The following KIF26B variants were observed in gnomAD, a reference collection of about 807,000 sequenced individuals.
KIF26B encodes the protein kinesin-like protein KIF26B.
KIF26B carries 63 observed loss-of-function variants against 151.2 expected under a neutral mutation model. The ratio of observed to expected loss-of-function variants is 0.42; its 90% CI spans 0.34 to 0.51. The LOEUF is 0.51. KIF26B is among the 20% of genes least tolerant of loss of function. KIF26B has a pLI of 0.07. For synonymous variants in KIF26B, 1,357 were observed against 1,262.1 expected, an observed-to-expected ratio of 1.08 and a Z score of -1.59; for missense variants, 2,813 against 2,913.6, an observed-to-expected ratio of 0.97 and a Z score of 0.79.
chr1:245,198,937 C>T (rs1450922933), intron 2 of KIF26B, among the ~76,000 whole-genome samples: 8 of 870 alleles, frequency 9.2e-3, no homozygotes, highest in East Asian at 0.016. Context: ...GAAGCCCCTG[C>T]GGCAGCGTCG....
At chr1:245,695,635 G>A (rs1032459712) in intron 12 of KIF26B, among the ~76,000 whole-genome samples, 3 of 152,268 alleles carry the variant, frequency 2.0e-5, no homozygotes, top group Middle Eastern at 3.2e-3. Flanking sequence ...ATGTGGTGAG[G>A]AAGTTCAAGG....
rs1055134710 is a variant in KIF26B at position 245,239,564 on chromosome 1, C to T, written c.465+82881C>T. Among the ~76,000 whole-genome samples, 1 of 152,108 alleles carries T rather than the reference C, an allele frequency of 6.6e-6. No individual in the cohort carries two copies. The highest frequency in any genetic ancestry group is 2.4e-5 in the African/African-American group (1 of 41,416). On this transcript the variant is annotated intron_variant, in intron 2 of 14. Coordinates refer to ENST00000407071, the MANE Select transcript of KIF26B (RefSeq NM_018012.4). This position sits in a 1 kb window ranked among gnomAD's most constrained non-coding sequence, Gnocchi z 4.3. ...TGTCGCCCAGGCTGGAGTGCAGTGG[C>T]GTGATCTCAGCTCACTGCAACCTCT...
intron 14 of KIF26B, among the ~76,000 whole-genome samples, chr1:245,701,456 C>T (rs529012191): frequency 2.0e-5 from 3 of 152,126 alleles, no homozygotes; most frequent in Admixed American, 6.5e-5. Flanking sequence ...TCAGGGCCTT[C>T]GGTCTCCTTC....
intron 2 of KIF26B, among the ~76,000 whole-genome samples, chr1:245,240,102 G>A (rs1430430833): frequency 2.0e-5 from 3 of 152,112 alleles, no homozygotes; most frequent in East Asian, 1.9e-4. Flanking sequence ...CCCGGGAGGC[G>A]GAGGTTGCAG....
chr1:245,464,707 C>T (rs922967063), intron 4 of KIF26B, among the ~76,000 whole-genome samples: 13 of 151,744 alleles, frequency 8.6e-5, no homozygotes, highest in East Asian at 7.7e-4. Flanking sequence ...TGTGTGCAAG[C>T]GTCTGGCACA....
chr1:245,344,419 C>CG (rs1204457694), intron 2 of KIF26B, among the ~76,000 whole-genome samples: 1 of 144,162 alleles, frequency 6.9e-6, no homozygotes, highest in Non-Finnish European at 1.5e-5. Context: ...GGCGTGAACC[C>CG]GGAGGGCGGA....
At chr1:245,309,165 G>T (rs1416490695) in intron 2 of KIF26B, among the ~76,000 whole-genome samples, 1 of 152,148 alleles carries the variant, frequency 6.6e-6, no homozygotes, top group Non-Finnish European at 1.5e-5. Context: ...TGTGCATCAG[G>T]ATTGCCTGGA....
intron 5 of KIF26B, among the ~76,000 whole-genome samples, chr1:245,582,459 G>T (rs60212853): frequency 0.012 from 1,849 of 151,852 alleles, 36 homozygotes; most frequent in African/African-American, 0.042. Flanking sequence ...CATAGCCTGT[G>T]CTTTTTTTTT....
chr1:245,176,415 A>G (rs1668810357), intron 2 of KIF26B, among the ~76,000 whole-genome samples: 1 of 152,096 alleles, frequency 6.6e-6, no homozygotes, highest in Non-Finnish European at 1.5e-5. Flanking sequence ...ATGGAAGGAG[A>G]CCAGAGTTCA....
At chr1:245,624,514 A>G (rs994290649) in intron 9 of KIF26B, among the ~76,000 whole-genome samples, 2 of 152,216 alleles carry the variant, frequency 1.3e-5, no homozygotes, top group African/African-American at 4.8e-5. Flanking sequence ...CTAATGACCA[A>G]TGATGCCAAG....
intron 4 of KIF26B, among the ~76,000 whole-genome samples, chr1:245,526,032 CAT>C (rs1661230409): frequency 1.3e-5 from 2 of 152,132 alleles, no homozygotes; most frequent in Non-Finnish European, 2.9e-5. Context: ...CTACAAATAA[CAT>C]GTCCATTAAA....
intron 3 of KIF26B, among the ~76,000 whole-genome samples, chr1:245,402,795 A>G (rs1031361208): frequency 1.3e-5 from 2 of 152,206 alleles, no homozygotes; most frequent in African/African-American, 4.8e-5. Context: ...GGTCTAGGAC[A>G]TTCATGAAAT....
intron 4 of KIF26B, among the ~76,000 whole-genome samples, chr1:245,422,244 A>C (rs1295851160): frequency 6.6e-6 from 1 of 152,208 alleles, no homozygotes; most frequent in Non-Finnish European, 1.5e-5. Context: ...AGTGGGAAAC[A>C]AGTACCATGT....
intron 2 of KIF26B, among the ~76,000 whole-genome samples, chr1:245,185,395 C>G (rs1668982859): frequency 6.6e-6 from 1 of 152,078 alleles, no homozygotes; most frequent in South Asian, 2.1e-4. Flanking sequence ...GGCGGAGATA[C>G]TTAATGAAAC....
At chr1:245,217,538 T>G (rs1669673677) in intron 2 of KIF26B, among the ~76,000 whole-genome samples, 3 of 152,010 alleles carry the variant, frequency 2.0e-5, no homozygotes, top group Admixed American at 1.3e-4. Context: ...CTATTTTTTT[T>G]TGTATTTTTA....
intron 2 of KIF26B, among the ~76,000 whole-genome samples, chr1:245,187,802 G>A (rs1275114389): frequency 6.6e-6 from 1 of 152,198 alleles, no homozygotes; most frequent in Non-Finnish European, 1.5e-5. Flanking sequence ...ACATTTATTA[G>A]ACACATGATA....
At chr1:245,332,449 C>T (rs1304607350) in intron 2 of KIF26B, among the ~76,000 whole-genome samples, 1 of 152,182 alleles carries the variant, frequency 6.6e-6, no homozygotes, top group Admixed American at 6.5e-5. Context: ...CTTTCTTTAG[C>T]CTCTGAATGC....
intron 2 of KIF26B, among the ~76,000 whole-genome samples, chr1:245,196,083 A>G (rs1422005911): frequency 1.3e-5 from 2 of 152,152 alleles, no homozygotes. Flanking sequence ...AGTGTTTTGT[A>G]TGGTTTTAGA....
chr1:245,647,431 A>AG (rs2103186477), intron 10 of KIF26B, among the ~76,000 whole-genome samples: 1 of 143,334 alleles, frequency 7.0e-6, no homozygotes, highest in South Asian at 2.2e-4. Context: ...TCTCAAAAAA[A>AG]AAAAAAAAAA....
Sources: gnomAD v4.1 joint callset for allele counts (sites outside exome capture counted in the v4.1 genomes callset) on GRCh38, gnomAD v4.1.1 for gene constraint, Gnocchi (gnomAD v3.1) non-coding constraint, MANE v1.5 for transcripts, NCBI Gene and HGNC (gene_info 2026-07-23, HGNC 2026-07-21) for gene names.